Variants in MYH15 observed in about 807,000 individuals in gnomAD.
MYH15 encodes the protein myosin-15.
MYH15 carries 227 observed loss-of-function variants against 240.5 expected under a neutral mutation model. The observed-to-expected ratio is 0.94, with a 90% CI of 0.85 to 1.05. MYH15 has a LOEUF of 1.05. Among genes scored for constraint, MYH15 ranks in the 50% least tolerant of loss-of-function variants. MYH15 has a pLI of 0.00. For missense variants in MYH15, 2,217 were observed against 2,247.5 expected (o/e 0.99, Z 0.27); for synonymous variants, 785 against 796.7 (o/e 0.99, Z 0.25).
At chr3:108,529,471 C>A, upstream of MYH15, 1 of 520,492 alleles carries the variant, frequency 1.9e-6, no homozygotes, top group Non-Finnish European at 3.4e-6. Flanking sequence ...AAAATTCAGA[C>A]TGAGAGCACA....
intron 2 of MYH15, among the ~76,000 whole-genome samples, chr3:108,504,020 T>C (rs1185646590): frequency 1.3e-5 from 2 of 152,174 alleles, no homozygotes; most frequent in African/African-American, 4.8e-5. Context: ...CTCAAAAACA[T>C]TATGCTTAGT....
intron 9 of MYH15, among the ~76,000 whole-genome samples, chr3:108,487,901 T>C (rs1057188930): frequency 1.3e-5 from 2 of 152,230 alleles, no homozygotes; most frequent in Non-Finnish European, 2.9e-5. Flanking sequence ...TTAATAAAAA[T>C]ATCCTGTAAA....
intron 21 of MYH15, 54 bp from the exon 22 acceptor site, chr3:108,444,949 A>T (rs993770377): frequency 1.0e-5 from 16 of 1,523,826 alleles, no homozygotes; most frequent in Non-Finnish European, 1.4e-5. Flanking sequence ...TAGGAGAATT[A>T]GTTCCCAAAT....
intron 25 of MYH15, among the ~76,000 whole-genome samples, chr3:108,437,228 T>C (rs1384177405): frequency 1.3e-5 from 2 of 150,804 alleles, no homozygotes; most frequent in African/African-American, 4.9e-5. Context: ...GGTCTCGTCA[T>C]GAGTAAAAAG....
intron 21 of MYH15, among the ~76,000 whole-genome samples, chr3:108,452,314 G>C (rs2082980779): frequency 1.3e-5 from 2 of 152,008 alleles, no homozygotes; most frequent in Non-Finnish European, 2.9e-5. Context: ...GGAGTATTTT[G>C]AGTAATGATG....
the MYH15 span, among the ~76,000 whole-genome samples, chr3:108,545,457 T>TTTAGTATTTGTATTTG: frequency 1.3e-5 from 2 of 152,118 alleles, no homozygotes; most frequent in African/African-American, 4.8e-5. Flanking sequence ...GCCATGAGCT[T>TTTAGTATTTGTATTTG]TATTTGTATT....
At chr3:108,452,818 GA>G (rs1171407849) in intron 21 of MYH15, among the ~76,000 whole-genome samples, 3 of 151,790 alleles carry the variant, frequency 2.0e-5, no homozygotes, top group Non-Finnish European at 2.9e-5. Context: ...AGCAATTACA[GA>G]AAAAAAATAT....
chr3:108,388,369 C>A (rs1379048108), intron 38 of MYH15, among the ~76,000 whole-genome samples: 1 of 152,154 alleles, frequency 6.6e-6, no homozygotes, highest in Admixed American at 6.6e-5. Context: ...TTTAGAAATG[C>A]ATTAGTCACT....
chr3:108,476,503 G>A lies in MYH15; in HGVS notation c.1127C>T (p.Ala376Val), dbSNP rs2083222630. 1.9e-6 allele frequency: 3 copies of A among 1,607,160 alleles called. No individual in the cohort carries two copies. The highest frequency in any genetic ancestry group is 2.6e-6 in the Non-Finnish European group (3 of 1,173,904). ...EADGTENADK[A>V]AFLMGINSSE... ...GGAGTTAATGCCCATGAGGAAAGCAGCTTTGTCAGCATCTGGTCATCAGAA... is the reference window on the plus strand; with the variant it reads ...GGAGTTAATGCCCATGAGGAAAGCAACTTTGTCAGCATCTGGTCATCAGAA... Residue 376 changes from alanine to valine, a missense_variant, in exon 12 of 41, where the codon GCT becomes GTT. Physicochemically the swap from Ala to Val is moderately conservative, Grantham distance 64. Transcript: ENST00000693548.
chr3:108,387,277 G>GA, intron 38 of MYH15, among the ~76,000 whole-genome samples: 1 of 152,150 alleles, frequency 6.6e-6, no homozygotes, highest in Non-Finnish European at 1.5e-5. Flanking sequence ...CGTTAACCTT[G>GA]AACACTTCAA....
intron 14 of MYH15, among the ~76,000 whole-genome samples, chr3:108,465,184 C>T (rs764238667): frequency 2.6e-5 from 4 of 152,132 alleles, no homozygotes; most frequent in South Asian, 2.1e-4. Flanking sequence ...TAGAGAATGA[C>T]AGGGGGTAAG....
chr3:108,391,943 A>T lies in MYH15; in HGVS notation c.5260-13T>A. 1 of 1,612,826 alleles carries T rather than the reference A, an allele frequency of 6.2e-7. No homozygotes were observed. Among genetic ancestry groups the T allele is most frequent in the Non-Finnish European group, 8.5e-7 (1 of 1,179,490 alleles). ...ACAAGTTTGCTGCCTAGGGGGTTAA[A>T]AAAAGGGACTGAGCTAGTTCAGCAG... is the stretch of plus-strand genomic sequence containing the variant. On this transcript the variant is annotated splice_polypyrimidine_tract_variant and intron_variant, in intron 36 of 40. Coordinates refer to ENST00000693548, the MANE Select transcript of MYH15 (RefSeq NM_014981.3).
At chr3:108,393,155 T>G (rs976209209) in intron 36 of MYH15, among the ~76,000 whole-genome samples, 2 of 152,230 alleles carry the variant, frequency 1.3e-5, no homozygotes, top group Admixed American at 1.3e-4. Flanking sequence ...TCAAATGTCC[T>G]GTCTCCTAGT....
At chr3:108,475,326 C>T (rs910484299) in intron 12 of MYH15, among the ~76,000 whole-genome samples, 1 of 152,254 alleles carries the variant, frequency 6.6e-6, no homozygotes, top group East Asian at 1.9e-4. Flanking sequence ...TTCTGCCCTA[C>T]TTAGCTCTGA....
Position 108,441,264 on chromosome 3 carries a change from C to T in MYH15, c.2656-4G>A, listed in dbSNP as rs754423982. 8.7e-6 allele frequency: 14 copies of T among 1,613,202 alleles called. No homozygotes were observed. Among genetic ancestry groups the T allele is most frequent in the South Asian group, 3.3e-5 (3 of 91,040 alleles). ...CATTTGCCAGTGTCTCTTGCTCCTG[C>T]CATGATGAGGAGAAAATTGTTGCCA... On this transcript the variant is annotated splice_polypyrimidine_tract_variant and splice_region_variant and intron_variant, in intron 22 of 40. Transcript: ENST00000693548.
the MYH15 span, chr3:108,550,889 G>A: frequency 4.6e-6 from 1 of 218,394 alleles, no homozygotes; most frequent in South Asian, 1.7e-4. Flanking sequence ...GATAATGGAG[G>A]TTAAAAATGA....
intron 19 of MYH15, 94 bp from the exon 20 acceptor site, chr3:108,455,953 T>C (rs766260997): frequency 2.4e-6 from 3 of 1,238,350 alleles, no homozygotes; most frequent in Non-Finnish European, 2.3e-6. Context: ...GAGACATAGA[T>C]TTTTATCTCT....
chr3:108,433,328 A>C (rs1282478720), intron 25 of MYH15, among the ~76,000 whole-genome samples: 2 of 152,210 alleles, frequency 1.3e-5, no homozygotes, highest in Non-Finnish European at 2.9e-5. Flanking sequence ...CTAGGAAATA[A>C]CTAACTTGCT....
Position 108,414,277 on chromosome 3 carries a change from T to G in MYH15, c.4100A>C (p.Tyr1367Ser). 6.2e-7 allele frequency: 1 copy of G among 1,614,226 alleles called. No homozygotes were observed. Among genetic ancestry groups the G allele is most frequent in the Non-Finnish European group, 8.5e-7 (1 of 1,180,016 alleles). The change falls in exon 30 of 41, where the codon TAT (tyrosine) becomes TCT (serine). Residue 1367 changes from tyrosine to serine, a missense_variant. Tyr to Ser is a moderately radical substitution (Grantham distance 144, BLOSUM62 -2). Transcript: ENST00000693548. ...NAEMVQWRMK[Y>S]ENNVIQRTED... ...TGTTCTCTGGATGACATTGTTTTCA[T>G]ACTTCATTCTCCATTGCACCATTTC...
Sources: gnomAD v4.1 joint callset for allele counts (sites outside exome capture counted in the v4.1 genomes callset) on GRCh38, gnomAD v4.1.1 for gene constraint, MANE v1.5 for transcripts, NCBI Gene and HGNC (gene_info 2026-07-23, HGNC 2026-07-21) for gene names.